The following MRC2 variants were observed in gnomAD, a reference collection of about 807,000 sequenced individuals.
MRC2 encodes the protein C-type mannose receptor 2.
Under a neutral mutation model 206.2 loss-of-function variants are expected in MRC2, and 84 were observed. That is an observed-to-expected ratio of 0.41 (90% CI 0.34 to 0.49). MRC2 has a LOEUF of 0.49. Among genes scored for constraint, MRC2 ranks in the 20% least tolerant of loss-of-function variants. MRC2 has a pLI of 0.31. For missense variants in MRC2, 1,676 were observed against 2,001.5 expected (o/e 0.84, Z 3.10); for synonymous variants, 798 against 800.0 (o/e 1.00, Z 0.04).
At chr17:62,635,913 G>A (rs1248032650) in intron 1 of MRC2, among the ~76,000 whole-genome samples, 2 of 150,584 alleles carry the variant, frequency 1.3e-5, no homozygotes, top group East Asian at 2.0e-4. Flanking sequence ...TCAGCCTCCC[G>A]AGTAGCTGGG....
Position 62,675,718 on chromosome 17 carries a change from A to G in MRC2, c.1570-72A>G, listed in dbSNP as rs769427285. 8.8e-5 allele frequency: 108 copies of G among 1,230,780 alleles called. No individual in the cohort carries two copies. Among genetic ancestry groups the G allele is most frequent in the Non-Finnish European group, 1.2e-4 (104 of 836,804 alleles). 76.2% of individuals were successfully genotyped at this position (1,230,780 alleles called of 1,614,324 possible). ...GATGTCCCTGATGGCATCTCCCACC[A>G]CAGGATTTATGGGTGAGGGTGGAGA... is the stretch of plus-strand genomic sequence containing the variant. On this transcript the variant is annotated intron_variant, in intron 9 of 29. Transcript: ENST00000303375. This position sits in a 1 kb window ranked among gnomAD's most constrained non-coding sequence, Gnocchi z 4.1.
At chr17:62,640,934 C>T (rs1484709950) in intron 1 of MRC2, among the ~76,000 whole-genome samples, 1 of 151,840 alleles carries the variant, frequency 6.6e-6, no homozygotes, top group Non-Finnish European at 1.5e-5. Context: ...GATCTCCTGA[C>T]CTCATGATCC....
chr17:62,682,394 G>A lies in MRC2; in HGVS notation c.2946+17G>A, dbSNP rs1205339278. On this transcript the variant is annotated intron_variant, in intron 20 of 29. Transcript: ENST00000303375. ...CTCAACAAGGTAGGAGGTGGCAATG[G>A]GGCACCCAAGGGAGTCAGGGGAGAG... 3 of 1,598,892 alleles carry A rather than the reference G, an allele frequency of 1.9e-6. No homozygotes were observed. Among genetic ancestry groups the A allele is most frequent in the African/African-American group, 1.3e-5 (1 of 74,314 alleles).
chr17:62,636,248 C>T lies in MRC2; in HGVS notation c.118+8328C>T, dbSNP rs866972051. 2.0e-4 allele frequency among the ~76,000 whole-genome samples: 15 copies of T among 76,836 alleles called. 1 individual carries two copies. The highest frequency in any genetic ancestry group is 7.1e-4 in the Admixed American group (6 of 8,504). 50.4% of individuals were successfully genotyped at this position (76,836 alleles called of 152,430 possible). ...CCTGGGCAACAGAGTGAGACCCTGT[C>T]GCAAAAAAAAAAAAAAGTAAAAATG... is the stretch of plus-strand genomic sequence containing the variant. On this transcript the variant is annotated intron_variant, in intron 1 of 29. Transcript: ENST00000303375.
At chr17:62,681,193 G>A in intron 18 of MRC2, 64 bp downstream of exon 18, 1 of 1,564,942 alleles carries the variant, frequency 6.4e-7, no homozygotes, top group Non-Finnish European at 8.7e-7. Context: ...GAGCACAGAG[G>A]CAGACTTGCA....
Position 62,627,711 on chromosome 17 carries a change from G to C in MRC2, c.-92G>C. 5 of 941,956 alleles carry C rather than the reference G, an allele frequency of 5.3e-6. No homozygotes were observed. Among genetic ancestry groups the C allele is most frequent in the Non-Finnish European group, 7.2e-6 (5 of 698,416 alleles). The allele number at this position is 941,956 out of a possible 1,614,324, so 58.3% of individuals were successfully genotyped here. ...CCGGAGGAGGACGCGAGCCCCTTGC[G>C]GGCGGTCATCACAGCCCAGCCTCGG... is the stretch of plus-strand genomic sequence containing the variant. On this transcript the variant is annotated 5_prime_UTR_variant, in exon 1 of 30. Coordinates refer to ENST00000303375, the MANE Select transcript of MRC2 (RefSeq NM_006039.5).
At position 62,682,335 on chromosome 17, in the gene MRC2, C is replaced by T; in HGVS notation, c.2904C>T (p.Ala968=). 6.2e-7 allele frequency: 1 copy of T among 1,607,412 alleles called. No individual in the cohort carries two copies. The change falls in exon 20 of 30, where the codon GCC becomes GCT. Residue 968 remains alanine (A), a synonymous_variant. Coordinates refer to ENST00000303375, the MANE Select transcript of MRC2 (RefSeq NM_006039.5). The part of the protein sequence containing the change: ...ETQPPDLPTT[A]LGGCPSDWIQ... ...AGCCCCCAGACCTGCCAACTACAGC[C>T]CTGGGGGGCTGCCCCTCTGACTGGA...
At position 62,680,750 on chromosome 17, in the gene MRC2, C is replaced by A; in HGVS notation, c.2474-50C>A. ...TGCCGCGCCCGCCTCCGGGGCCTGG[C>A]GTGCAGCCTCTGCCTGGCCGCCGCT... On this transcript the variant is annotated intron_variant, in intron 16 of 29. Transcript: ENST00000303375. The surrounding 1 kb of genome is among the most constrained non-coding windows in gnomAD (Gnocchi z 4.8). 1.4e-6 allele frequency: 2 copies of A among 1,475,798 alleles called. No individual in the cohort carries two copies. The highest frequency in any genetic ancestry group is 1.4e-5 in the South Asian group (1 of 70,792). The allele number at this position is 1,475,798 out of a possible 1,614,324, so 91.4% of individuals were successfully genotyped here.
At chr17:62,678,779 T>C (rs2147480013) in intron 13 of MRC2, 133 bp downstream of exon 13, 2 of 1,302,146 alleles carry the variant, frequency 1.5e-6, no homozygotes, top group South Asian at 2.7e-5. Context: ...GAGGCCTGCA[T>C]CTGCTGCTGG....
chr17:62,651,722 C>T (rs956097121), intron 1 of MRC2, among the ~76,000 whole-genome samples: 2 of 152,116 alleles, frequency 1.3e-5, no homozygotes, highest in Admixed American at 1.3e-4. Context: ...ACCACATCTG[C>T]CACCATACCC....
chr17:62,681,444 G>C (rs534926515), intron 18 of MRC2: 1 of 506,006 alleles, frequency 2.0e-6, no homozygotes, highest in Non-Finnish European at 3.5e-6. Context: ...CCCTCTCGGG[G>C]AAGTGGGCAG....
chr17:62,692,582 C>T lies in MRC2; in HGVS notation c.*131C>T, dbSNP rs76827901. ...GCCCTTGGGAGTCGCTGTTGGGAGC[C>T]GGAGCTGGGCAGAGCCTGGGCTGGT... is the stretch of plus-strand genomic sequence containing the variant. On this transcript the variant is annotated 3_prime_UTR_variant, in exon 30 of 30. Coordinates refer to ENST00000303375, the MANE Select transcript of MRC2 (RefSeq NM_006039.5). This position sits in a 1 kb window ranked among gnomAD's most constrained non-coding sequence, Gnocchi z 4.2. 2.4e-3 allele frequency: 2,293 copies of T among 947,142 alleles called. 34 individuals carry two copies. The African/African-American group carries it at 0.034, about 14-fold the overall frequency. The allele number at this position is 947,142 out of a possible 1,614,324, so 58.7% of individuals were successfully genotyped here.
At chr17:62,679,705 C>T (rs2088936383) in intron 13 of MRC2, 95 bp from the exon 14 acceptor site, 5 of 1,213,532 alleles carry the variant, frequency 4.1e-6, no homozygotes, top group Non-Finnish European at 5.8e-6. Context: ...CTGGGGGCTG[C>T]CCCGGTCACA....
At chr17:62,641,687 G>A (rs925225810) in intron 1 of MRC2, among the ~76,000 whole-genome samples, 1 of 152,160 alleles carries the variant, frequency 6.6e-6, no homozygotes, top group African/African-American at 2.4e-5. Context: ...AGAGGTGGAC[G>A]AATGGACTCC....
intron 1 of MRC2, among the ~76,000 whole-genome samples, chr17:62,633,950 A>C (rs899942580): frequency 6.6e-6 from 1 of 151,454 alleles, no homozygotes; most frequent in Non-Finnish European, 1.5e-5. Flanking sequence ...TCACGCAAGA[A>C]AGAATTTGAG....
intron 20 of MRC2, among the ~76,000 whole-genome samples, chr17:62,687,264 G>A (rs966966494): frequency 4.6e-5 from 7 of 152,064 alleles, no homozygotes; most frequent in African/African-American, 1.4e-4. Flanking sequence ...GGGTTCAAGC[G>A]ATTCTCCTGC....
At position 62,680,315 on chromosome 17, in the gene MRC2, C is replaced by T. The variant is rs1467688405; in HGVS notation, c.2437+7C>T. 6.2e-7 allele frequency: 1 copy of T among 1,613,628 alleles called. No individual in the cohort carries two copies. Among genetic ancestry groups the T allele is most frequent in the Non-Finnish European group, 8.5e-7 (1 of 1,179,848 alleles). ...ATCTGCAAGATCCCCAGAGGTTGGC[C>T]GGAGTGGCGCTGGGGGACGCGGGAT... On this transcript the variant is annotated splice_region_variant and intron_variant, in intron 15 of 29. Coordinates refer to ENST00000303375, the MANE Select transcript of MRC2 (RefSeq NM_006039.5). The surrounding 1 kb of genome is among the most constrained non-coding windows in gnomAD (Gnocchi z 4.8).
chr17:62,664,967 G>A lies in MRC2; in HGVS notation c.520+18G>A. On this transcript the variant is annotated intron_variant, in intron 2 of 29. Coordinates refer to ENST00000303375, the MANE Select transcript of MRC2 (RefSeq NM_006039.5). The surrounding 1 kb of genome is among the most constrained non-coding windows in gnomAD (Gnocchi z 4.7). Reference sequence around the variant, plus strand: ...CTACCACGGTGAGGGGCCGCTTGCAGGCGGGAGGGTGGGGTCCCCGATGTC... The same window carrying A: ...CTACCACGGTGAGGGGCCGCTTGCAAGCGGGAGGGTGGGGTCCCCGATGTC... The A allele has an allele frequency of 6.3e-7, 1 of 1,582,280 alleles. No individual in the cohort carries two copies. The highest frequency in any genetic ancestry group is 1.7e-5 in the Admixed American group (1 of 58,868).
Position 62,678,498 on chromosome 17 carries a change from C to T in MRC2, c.2053-6C>T. On this transcript the variant is annotated splice_region_variant and splice_polypyrimidine_tract_variant and intron_variant, in intron 12 of 29. Transcript: ENST00000303375. ...CAGCTTAGACAGCTGGACTCTGCCC[C>T]TGCAGGTGTTCAGCTCAGAGCGGCT... is the stretch of plus-strand genomic sequence containing the variant. The T allele has an allele frequency of 6.2e-7, 1 of 1,611,818 alleles. No homozygotes were observed. The highest frequency in any genetic ancestry group is 8.5e-7 in the Non-Finnish European group (1 of 1,179,270).
Sources: gnomAD v4.1 joint callset for allele counts (sites outside exome capture counted in the v4.1 genomes callset) on GRCh38, gnomAD v4.1.1 for gene constraint, Gnocchi (gnomAD v3.1) non-coding constraint, MANE v1.5 for transcripts, NCBI Gene and HGNC (gene_info 2026-07-23, HGNC 2026-07-21) for gene names.